PRKD3: variants seen among roughly 807,000 people sequenced by gnomAD.
PRKD3 encodes serine/threonine-protein kinase D3.
PRKD3 carries 47 observed loss-of-function variants against 99.2 expected under a neutral mutation model. The observed-to-expected ratio is 0.47, with a 90% CI of 0.38 to 0.60. PRKD3 has a LOEUF of 0.60. Ranked by LOEUF, PRKD3 falls within the 20% of genes least tolerant of loss-of-function variation. PRKD3 has a pLI of 0.00. For missense variants in PRKD3, 1,019 were observed against 1,088.4 expected, an observed-to-expected ratio of 0.94 and a Z score of 0.90; for synonymous variants, 392 against 355.4, an observed-to-expected ratio of 1.10 and a Z score of -1.16.
In PRKD3 at chr2:37,254,413, A is replaced by T; in HGVS notation, c.2414-124T>A. ...GTTGAGGAATTTTTGCTTCTCAAGG[A>T]CGTGGACTTTTAGCTAACATGTAAA... On this transcript the variant is annotated intron_variant, in intron 17 of 18. Coordinates refer to ENST00000234179, the MANE Select transcript of PRKD3 (RefSeq NM_005813.6). 1.3e-5 allele frequency: 9 copies of T among 681,944 alleles called. No homozygotes were observed. The South Asian group carries it at 1.5e-4, about 11-fold the overall frequency. The allele number at this position is 681,944 out of a possible 1,614,324, so 42.2% of individuals were successfully genotyped here.
intron 2 of PRKD3, among the ~76,000 whole-genome samples, chr2:37,293,601 A>G (rs1670545167): frequency 6.6e-6 from 1 of 152,268 alleles, no homozygotes; most frequent in Non-Finnish European, 1.5e-5. Flanking sequence ...CTGAAAGATA[A>G]GCAGTCGTTC....
At chr2:37,309,380 G>T (rs552292178) in intron 2 of PRKD3, among the ~76,000 whole-genome samples, 1 of 151,726 alleles carries the variant, frequency 6.6e-6, no homozygotes, top group African/African-American at 2.4e-5. Flanking sequence ...CTAATTCTTG[G>T]GCATGTGTAT....
chr2:37,295,284 T>C (rs1386248011), intron 2 of PRKD3, among the ~76,000 whole-genome samples: 1 of 151,534 alleles, frequency 6.6e-6, no homozygotes, highest in Non-Finnish European at 1.5e-5. Flanking sequence ...AATAACAAAA[T>C]TAAAATAAAA....
intron 1 of PRKD3, 32 bp from the exon 2 acceptor site, chr2:37,317,211 C>A: frequency 1.2e-6 from 1 of 829,426 alleles, no homozygotes; most frequent in Middle Eastern, 6.3e-4. Flanking sequence ...GTTTTTAATA[C>A]TTTATATTCA....
At chr2:37,256,518 T>C in intron 17 of PRKD3, 144 bp downstream of exon 17, 2 of 1,111,306 alleles carry the variant, frequency 1.8e-6, no homozygotes, top group Non-Finnish European at 2.5e-6. Context: ...AAAAAACTGG[T>C]AACTAGTTGA....
At chr2:37,294,303 C>G (rs1670579526) in intron 2 of PRKD3, among the ~76,000 whole-genome samples, 1 of 152,064 alleles carries the variant, frequency 6.6e-6, no homozygotes, top group Admixed American at 6.6e-5. Flanking sequence ...GCTGTGTGGC[C>G]CAGGCTGGTG....
At chr2:37,273,187 A>G (rs747793618) in intron 11 of PRKD3, among the ~76,000 whole-genome samples, 8 of 152,100 alleles carry the variant, frequency 5.3e-5, no homozygotes, top group Non-Finnish European at 1.2e-4. Flanking sequence ...CCTGAAATAA[A>G]TCACCTCATT....
At position 37,253,307 on chromosome 2, in the gene PRKD3, A is replaced by G. The variant is rs559394565; in HGVS notation, c.2543T>C (p.Ile848Thr). The G allele has an allele frequency of 9.5e-5, 154 of 1,613,056 alleles. 1 individual carries two copies. Among genetic ancestry groups the G allele is most frequent in the South Asian group, 6.7e-4 (61 of 90,898 alleles). ...WLDLREFETR[I>T]GERYITHESD... is the part of the protein sequence containing the mutation. ...TTCATGTGTAATGTAACGTTCTCCA[A>G]TGCGAGTTTCAAATTCTCTAAGGTC... Residue 848 changes from isoleucine to threonine, a missense_variant, in exon 19 of 19, where the codon ATT becomes ACT. Around this residue, in one of 3 missense-constraint regions of PRKD3, gnomAD observed 125 missense variants for 120.6 expected, o/e 1.04. Coordinates refer to ENST00000234179, the MANE Select transcript of PRKD3 (RefSeq NM_005813.6).
At chr2:37,292,414 C>T (rs1348811491) in intron 3 of PRKD3, among the ~76,000 whole-genome samples, 2 of 150,706 alleles carry the variant, frequency 1.3e-5, no homozygotes, top group Non-Finnish European at 3.0e-5. Context: ...GGTGCGATCT[C>T]GGCTCACTGC....
At position 37,252,914 on chromosome 2, in the gene PRKD3, A is replaced by G. The variant is rs1237193473; in HGVS notation, c.*263T>C. ...TGAGCCTATTGTATTAAAGTGAAGGATTAAGAAAAAATACAAAACCAGTTA... is the reference window on the plus strand; with the variant it reads ...TGAGCCTATTGTATTAAAGTGAAGGGTTAAGAAAAAATACAAAACCAGTTA... On this transcript the variant is annotated 3_prime_UTR_variant, in exon 19 of 19. Coordinates refer to ENST00000234179, the MANE Select transcript of PRKD3 (RefSeq NM_005813.6). 1 of 224,282 alleles carries G rather than the reference A, an allele frequency of 4.5e-6. No homozygotes were observed. The highest frequency in any genetic ancestry group is 8.5e-6 in the Non-Finnish European group (1 of 117,234). The allele number at this position is 224,282 out of a possible 1,614,324, so 13.9% of individuals were successfully genotyped here. A position where few individuals can be genotyped will look rare whatever the true frequency, so the allele number is the denominator to read the frequency against.
intron 14 of PRKD3, among the ~76,000 whole-genome samples, chr2:37,266,479 CCACACCCGG>C (rs1274365726): frequency 3.3e-5 from 5 of 150,078 alleles, no homozygotes; most frequent in African/African-American, 9.8e-5. Context: ...GCATGTGCCA[CCACACCCGG>C]CTTTTTTTTT....
At chr2:37,322,428 G>T (rs1220183338) in intron 1 of PRKD3, among the ~76,000 whole-genome samples, 1 of 152,172 alleles carries the variant, frequency 6.6e-6, no homozygotes, top group African/African-American at 2.4e-5. Flanking sequence ...CTGGACCAGT[G>T]ACAGTTGAAT....
At chr2:37,259,262 T>G (rs1017730957) in intron 16 of PRKD3, among the ~76,000 whole-genome samples, 3 of 152,196 alleles carry the variant, frequency 2.0e-5, no homozygotes, top group African/African-American at 7.2e-5. Context: ...CCCCATTTGT[T>G]TTATTTATGA....
intron 7 of PRKD3, among the ~76,000 whole-genome samples, chr2:37,280,936 T>C (rs928524740): frequency 2.6e-5 from 4 of 152,106 alleles, no homozygotes; most frequent in Non-Finnish European, 1.5e-5. Flanking sequence ...GTAACCTAAA[T>C]GGGCAAAGGA....
chr2:37,317,037 C>T lies in PRKD3; in HGVS notation c.-513G>A. 1 of 986,168 alleles carries T rather than the reference C, an allele frequency of 1.0e-6. No individual in the cohort carries two copies. The highest frequency in any genetic ancestry group is 1.2e-6 in the Non-Finnish European group (1 of 830,538). 61.1% of individuals were successfully genotyped at this position (986,168 alleles called of 1,614,324 possible). A position where few individuals can be genotyped will look rare whatever the true frequency, so the allele number is the denominator to read the frequency against. Reference sequence around the variant, plus strand: ...TCTCAAATGTCCACACCTTAAATCACCTTCTCAAATGTCCTCATTTTCATT... The same window carrying T: ...TCTCAAATGTCCACACCTTAAATCATCTTCTCAAATGTCCTCATTTTCATT... On this transcript the variant is annotated 5_prime_UTR_variant, in exon 2 of 19. It adds an upstream start codon to the 5' untranslated region. Coordinates refer to ENST00000234179, the MANE Select transcript of PRKD3 (RefSeq NM_005813.6).
intron 14 of PRKD3, among the ~76,000 whole-genome samples, chr2:37,266,008 A>C (rs1223625397): frequency 6.6e-6 from 1 of 152,184 alleles, no homozygotes; most frequent in Non-Finnish European, 1.5e-5. Context: ...AGGGTTCCAA[A>C]ATTAGATACG....
At chr2:37,274,310 TA>T in intron 11 of PRKD3, 110 bp downstream of exon 11, 2 of 1,272,192 alleles carry the variant, frequency 1.6e-6, no homozygotes, top group Non-Finnish European at 2.2e-6. Flanking sequence ...TATTGGTTAC[TA>T]AAGACTAAGC....
At chr2:37,270,056 C>T (rs1669123260) in intron 12 of PRKD3, among the ~76,000 whole-genome samples, 2 of 152,114 alleles carry the variant, frequency 1.3e-5, no homozygotes, top group South Asian at 4.2e-4. Context: ...GGAGAAACCC[C>T]ATCTCTACTA....
At chr2:37,307,206 G>C (rs2124883058) in intron 2 of PRKD3, among the ~76,000 whole-genome samples, 1 of 152,214 alleles carries the variant, frequency 6.6e-6, no homozygotes, top group Non-Finnish European at 1.5e-5. Context: ...AATTTAACTT[G>C]ATCTTATATA....
Sources: allele counts gnomAD v4.1 joint callset (sites outside exome capture counted in the v4.1 genomes callset), GRCh38; gene constraint gnomAD v4.1.1; regional missense constraint gnomAD v4.1.1; transcripts MANE v1.5; gene names NCBI Gene and HGNC (gene_info 2026-07-23, HGNC 2026-07-21).